Variants in SHROOM2 observed in about 807,000 individuals in gnomAD.
SHROOM2 encodes protein Shroom2.
SHROOM2 carries 33 observed loss-of-function variants against 75.9 expected under a neutral mutation model. The observed-to-expected ratio is 0.43, with a 90% CI of 0.33 to 0.58. SHROOM2 has a LOEUF of 0.58. Among genes scored for constraint, SHROOM2 ranks in the 20% least tolerant of loss-of-function variants. The pLI, the probability that SHROOM2 is intolerant of heterozygous loss-of-function variation, is 0.04. For missense variants in SHROOM2, 1,434 were observed against 1,461.2 expected (o/e 0.98, Z 0.30); for synonymous variants, 655 against 663.6 (o/e 0.99, Z 0.20).
At position 9,894,736 on chromosome X, in the gene SHROOM2, C is replaced by T. The variant is rs763250348; in HGVS notation, c.828C>T (p.Ser276=). The part of the protein sequence containing the change: ...SCFPPRVPGD[S]GKGPRPEYNA... ...TCCCGCCCAGGGTCCCCGGTGACAG[C>T]GGCAAAGGCCCCAGGCCAGAGTACA... The change falls in exon 4 of 10, where the codon AGC becomes AGT. Residue 276 remains serine, a synonymous_variant. Coordinates refer to ENST00000380913, the MANE Select transcript of SHROOM2 (RefSeq NM_001649.4). 27 of 1,211,125 alleles carry T rather than the reference C, an allele frequency of 2.2e-5. No homozygotes were observed. The highest frequency in any genetic ancestry group is 5.9e-5 in the East Asian group (2 of 33,821).
intron 8 of SHROOM2, among the ~76,000 whole-genome samples, chrX:9,944,026 A>T (rs930705039): frequency 9.0e-6 from 1 of 111,081 alleles, no homozygotes; most frequent in Non-Finnish European, 1.9e-5. Context: ...TACTAAAAAT[A>T]CAAAAATTAG....
intron 1 of SHROOM2, among the ~76,000 whole-genome samples, chrX:9,808,660 G>A (rs202173236): frequency 8.1e-5 from 9 of 110,731 alleles, no homozygotes; most frequent in South Asian, 3.9e-4. Context: ...TCAGGAGTTC[G>A]AGACCAGCCT....
At chrX:9,934,326 G>A (rs1035085250) in intron 6 of SHROOM2, among the ~76,000 whole-genome samples, 22 of 111,115 alleles carry the variant, frequency 2.0e-4, no homozygotes, top group African/African-American at 6.9e-4. Context: ...TTTTTTCTTA[G>A]CTTCTAAATA....
intron 6 of SHROOM2, among the ~76,000 whole-genome samples, chrX:9,934,505 A>G (rs1315645736): frequency 3.6e-5 from 4 of 111,395 alleles, no homozygotes; most frequent in African/African-American, 1.3e-4. Flanking sequence ...CTGAAAGGAA[A>G]GTGTCTTACT....
chrX:9,936,571 G>A (rs139739491), intron 6 of SHROOM2, among the ~76,000 whole-genome samples: 1,172 of 111,813 alleles, frequency 0.01, 14 homozygotes, highest in African/African-American at 0.036. Context: ...TGTTGGGTGG[G>A]CTGTCCTGCA....
intron 1 of SHROOM2, among the ~76,000 whole-genome samples, chrX:9,855,730 T>A (rs2084066260): frequency 8.9e-6 from 1 of 111,856 alleles, no homozygotes; most frequent in South Asian, 3.7e-4. Context: ...CCTTGACTTG[T>A]ACGACCATCG....
chrX:9,839,374 T>G (rs2083967683), intron 1 of SHROOM2, among the ~76,000 whole-genome samples: 2 of 111,462 alleles, frequency 1.8e-5, no homozygotes, highest in Admixed American at 1.9e-4. Context: ...GGGTCTGGAA[T>G]CTGACCAGAA....
chrX:9,923,019 G>A (rs1000361032), intron 5 of SHROOM2, among the ~76,000 whole-genome samples: 8 of 111,889 alleles, frequency 7.1e-5, no homozygotes, highest in African/African-American at 1.6e-4. Flanking sequence ...TAAAACCCGC[G>A]TGTCTGTAAT....
chrX:9,799,031 A>G (rs973293897), intron 1 of SHROOM2, among the ~76,000 whole-genome samples: 1 of 110,680 alleles, frequency 9.0e-6, no homozygotes, highest in African/African-American at 3.3e-5. Flanking sequence ...TGTTTTGGGG[A>G]CAAGTAATTA....
rs1316639482 is a variant in SHROOM2 at position 9,947,694 on chromosome X, T to A, written c.*757T>A. 2 of 112,470 alleles carry A rather than the reference T, an allele frequency of 1.8e-5. No homozygotes were observed. The highest frequency in any genetic ancestry group is 3.8e-5 in the Non-Finnish European group (2 of 53,330). The allele number at this position is 112,470 out of a possible 1,213,427, so 9.3% of individuals were successfully genotyped here. A position where few individuals can be genotyped will look rare whatever the true frequency, so the allele number is the denominator to read the frequency against. On this transcript the variant is annotated 3_prime_UTR_variant, in exon 10 of 10. Coordinates refer to ENST00000380913, the MANE Select transcript of SHROOM2 (RefSeq NM_001649.4). The stretch of plus-strand genomic sequence containing the variant: ...ATCACAGTTGTTCTGCAAAGTAAAA[T>A]TTTTTGGTTAAGAGCGTGTCCAGTA...
intron 1 of SHROOM2, among the ~76,000 whole-genome samples, chrX:9,869,649 T>C (rs1347327861): frequency 3.6e-5 from 4 of 112,499 alleles, no homozygotes; most frequent in Admixed American, 1.9e-4. Flanking sequence ...GTTTCTCTCC[T>C]TTTTTAAGGC....
chrX:9,928,978 GACA>G (rs1186883916), intron 5 of SHROOM2, among the ~76,000 whole-genome samples: 1 of 111,665 alleles, frequency 9.0e-6, no homozygotes, highest in Non-Finnish European at 1.9e-5. Context: ...CATAGACACA[GACA>G]ACATCTACAC....
chrX:9,838,042 C>CTG (rs1204763795), intron 1 of SHROOM2, among the ~76,000 whole-genome samples: 23 of 98,870 alleles, frequency 2.3e-4, no homozygotes, highest in East Asian at 3.3e-4. Flanking sequence ...AGGAGTTTTT[C>CTG]TGTGTGTGTG....
intron 1 of SHROOM2, chrX:9,818,655 A>G (rs750690228): frequency 4.9e-5 from 18 of 366,761 alleles, no homozygotes; most frequent in South Asian, 3.5e-4. Flanking sequence ...TGTGTTCTCT[A>G]ATCTCCTCTT....
At chrX:9,865,787 C>G (rs188211365) in intron 1 of SHROOM2, among the ~76,000 whole-genome samples, 2 of 110,033 alleles carry the variant, frequency 1.8e-5, no homozygotes, top group Admixed American at 1.9e-4. Context: ...GTCTCGATCT[C>G]CTGACCTCAT....
intron 5 of SHROOM2, among the ~76,000 whole-genome samples, chrX:9,898,952 G>A (rs1459527540): frequency 9.0e-6 from 1 of 111,099 alleles, no homozygotes; most frequent in Non-Finnish European, 1.9e-5. Flanking sequence ...TAAATACATA[G>A]TATAATCTGT....
intron 5 of SHROOM2, among the ~76,000 whole-genome samples, chrX:9,908,503 A>T (rs927854325): frequency 4.5e-5 from 5 of 112,251 alleles, no homozygotes; most frequent in African/African-American, 1.6e-4. Flanking sequence ...TCTTAATAGT[A>T]TTATACTATA....
intron 5 of SHROOM2, among the ~76,000 whole-genome samples, chrX:9,899,633 G>T (rs2084354553): frequency 8.9e-6 from 1 of 112,400 alleles, no homozygotes; most frequent in East Asian, 2.8e-4. Context: ...GATTGATATT[G>T]TGTGTGTGCT....
intron 1 of SHROOM2, among the ~76,000 whole-genome samples, chrX:9,794,763 T>A (rs765298645): frequency 8.9e-6 from 1 of 112,450 alleles, no homozygotes; most frequent in African/African-American, 3.2e-5. Flanking sequence ...AACACAAGTT[T>A]CTGCAGTCAC....
Sources: allele counts gnomAD v4.1 joint callset (sites outside exome capture counted in the v4.1 genomes callset), GRCh38; gene constraint gnomAD v4.1.1; transcripts MANE v1.5; gene names NCBI Gene and HGNC (gene_info 2026-07-23, HGNC 2026-07-21).